Variants in ATAT1 observed in about 807,000 individuals in gnomAD.
ATAT1 encodes the protein alpha tubulin acetyltransferase 1.
A neutral mutation model predicts 57.2 loss-of-function variants in ATAT1; 42 were observed. That is an observed-to-expected ratio of 0.73 (90% confidence interval 0.57 to 0.95). ATAT1 has a LOEUF of 0.95. ATAT1 is among the 40% of genes least tolerant of loss of function. ATAT1 has a pLI of 0.00. For synonymous variants in ATAT1, 168 were observed against 187.1 expected, an observed-to-expected ratio of 0.90 and a Z score of 0.83; for missense variants, 454 against 523.7, an observed-to-expected ratio of 0.87 and a Z score of 1.30.
At position 30,642,833 on chromosome 6, in the gene ATAT1, G is replaced by GGGGCCGCCCCCCCCCCCC; in HGVS notation, c.754_755insGGGCCGCCCCCCCCCCCC (p.Ala252delinsGlyAlaAlaProProProPro). 6.5e-7 allele frequency: 1 copy of GGGGCCGCCCCCCCCCCCC among 1,537,878 alleles called. No individual in the cohort carries two copies. Among genetic ancestry groups the GGGGCCGCCCCCCCCCCCC allele is most frequent in the Non-Finnish European group, 8.7e-7 (1 of 1,145,784 alleles). ...GGCCCCTCGCCGCGCCACACCTCCAGCCCACCCACCCCCCCGCTCCAGCAG... is the reference window on the plus strand; with the variant it reads ...GGCCCCTCGCCGCGCCACACCTCCAGGGGCCGCCCCCCCCCCCCCCCACCCACCCCCCCGCTCCAGCAG... On this transcript the variant is annotated protein_altering_variant, in exon 10 of 13. Coordinates refer to ENST00000330083, the MANE Select transcript of ATAT1 (RefSeq NM_001031722.4).
intron 8 of ATAT1, among the ~76,000 whole-genome samples, chr6:30,641,561 G>T (rs969852763): frequency 6.6e-6 from 1 of 152,188 alleles, no homozygotes; most frequent in Non-Finnish European, 1.5e-5. Flanking sequence ...AAGTAGAGAA[G>T]TGAGGAGGGG....
In ATAT1 at chr6:30,630,464, C is replaced by T. The variant is rs964830743; in HGVS notation, c.501+2034C>T. On this transcript the variant is annotated intron_variant, in intron 6 of 12. Transcript: ENST00000330083. ...CAGCCTGGTCAACATGGTAAAACCC[C>T]GTCTCTATTAAAAATACAAAAATTA... 2.0e-5 allele frequency among the ~76,000 whole-genome samples: 3 copies of T among 152,050 alleles called. No individual in the cohort carries two copies. The South Asian group carries it at 6.2e-4, about 32-fold the overall frequency.
chr6:30,636,939 G>A (rs1326923598), intron 6 of ATAT1, among the ~76,000 whole-genome samples: 6 of 151,884 alleles, frequency 4.0e-5, no homozygotes, highest in Admixed American at 3.9e-4. Flanking sequence ...AGCCTCCTGA[G>A]TAGCTGGGAT....
rs764258295 is a variant in ATAT1, at chr6:30,640,541, C to A, written c.554C>A (p.Pro185His). 1 of 1,613,046 alleles carries A rather than the reference C, an allele frequency of 6.2e-7. No homozygotes were observed. The highest frequency in any genetic ancestry group is 1.6e-4 in the Middle Eastern group (1 of 6,062). ...GCCGCTTCCTTCCTCACAGGGCCCC[C>A]TGCTCCCTCTCTGAGGGCAACTCGA... The change falls in exon 8 of 13, where the codon CCT becomes CAT. Residue 185 changes from proline to histidine, a missense_variant. Physicochemically the swap from Pro to His is moderately conservative, Grantham distance 77. This residue lies in a region of ATAT1 where 236 missense variants were observed against 284.5 expected (regional missense o/e 0.83). Coordinates refer to ENST00000330083, the MANE Select transcript of ATAT1 (RefSeq NM_001031722.4).
intron 6 of ATAT1, among the ~76,000 whole-genome samples, chr6:30,637,593 G>C (rs1265887112): frequency 6.6e-6 from 1 of 151,786 alleles, no homozygotes; most frequent in Non-Finnish European, 1.5e-5. Context: ...TGAGACAGGA[G>C]AAGAGCTTGA....
rs757455483 is a variant in ATAT1, at chr6:30,627,259, T to C, written c.56T>C (p.Val19Ala). ...ACAATAACCTTAAGGGAGGAGGGAG[T>C]GTGCCACCTTGAAAGGTGTGACAGA... The change falls in exon 1 of 13, where the codon GTG (valine) becomes GCG (alanine). Residue 19 changes from valine to alanine, a missense_variant. Val to Ala is a moderately conservative substitution (Grantham distance 64). This residue lies in a region of ATAT1 where 236 missense variants were observed against 284.5 expected (regional missense o/e 0.83). Coordinates refer to ENST00000330083, the MANE Select transcript of ATAT1 (RefSeq NM_001031722.4). The C allele has an allele frequency of 8.7e-6, 14 of 1,613,136 alleles. No individual in the cohort carries two copies. Among genetic ancestry groups the C allele is most frequent in the African/African-American group, 1.3e-5 (1 of 74,640 alleles).
intron 6 of ATAT1, 110 bp from the exon 7 acceptor site, chr6:30,640,257 GGTTTGTGTAA>G: frequency 9.2e-7 from 1 of 1,087,372 alleles, no homozygotes; most frequent in South Asian, 1.3e-5. Flanking sequence ...ATAGTGTCTA[GGTTTGTGTAA>G]GTACACTCTG....
rs1356700278 is a variant in ATAT1, at chr6:30,642,659, AAAAAG to A, written c.689-105_689-101del. The A allele has an allele frequency of 2.0e-4, 158 of 801,688 alleles. No homozygotes were observed. In the African/African-American group the frequency reaches 2.3e-3, roughly 11 times the overall value. 49.7% of individuals were successfully genotyped at this position (801,688 alleles called of 1,614,324 possible). A position where few individuals can be genotyped will look rare whatever the true frequency, so the allele number is the denominator to read the frequency against. On this transcript the variant is annotated intron_variant, in intron 9 of 12. Coordinates refer to ENST00000330083, the MANE Select transcript of ATAT1 (RefSeq NM_001031722.4). ...CTCCGTCTCAAAAAAGAAAAAAAAA[AAAAAG>A]AAAGACTCAGATTTCTCTTTTTTTC...
chr6:30,626,904 G>A lies in ATAT1; in HGVS notation c.-300G>A. The A allele has an allele frequency of 6.2e-7, 1 of 1,608,538 alleles. No homozygotes were observed. The highest frequency in any genetic ancestry group is 8.5e-7 in the Non-Finnish European group (1 of 1,178,322). ...ATGGGCCATGGAGTTCCCGTTCGATGTGGACGCGCTGTTCCCGGAGCGGAT... is the reference window on the plus strand; with the variant it reads ...ATGGGCCATGGAGTTCCCGTTCGATATGGACGCGCTGTTCCCGGAGCGGAT... On this transcript the variant is annotated 5_prime_UTR_variant, in exon 1 of 13. Transcript: ENST00000330083.
At chr6:30,637,553 T>C (rs539214222) in intron 6 of ATAT1, among the ~76,000 whole-genome samples, 62 of 151,354 alleles carry the variant, frequency 4.1e-4, no homozygotes, top group Non-Finnish European at 5.9e-5. Flanking sequence ...CGTGGTGGCA[T>C]GTGCCTGTAA....
At chr6:30,635,138 A>G (rs1029249505) in intron 6 of ATAT1, among the ~76,000 whole-genome samples, 30 of 152,228 alleles carry the variant, frequency 2.0e-4, no homozygotes, top group Non-Finnish European at 3.8e-4. Context: ...TTTTTTGTCT[A>G]TGAAATGGCT....
intron 12 of ATAT1, 170 bp from the exon 13 acceptor site, chr6:30,646,299 G>A (rs1376480899): frequency 6.9e-7 from 1 of 1,448,338 alleles, no homozygotes; most frequent in Non-Finnish European, 9.1e-7. Flanking sequence ...CTTCCCTTTG[G>A]AATACGGATT....
Position 30,645,984 on chromosome 6 carries a change from C to G in ATAT1, c.1012+10C>G. 6.3e-7 allele frequency: 1 copy of G among 1,594,144 alleles called. No homozygotes were observed. The highest frequency in any genetic ancestry group is 1.1e-5 in the South Asian group (1 of 87,664). On this transcript the variant is annotated intron_variant, in intron 11 of 12. Transcript: ENST00000330083. Reference sequence around the variant, plus strand: ...TCATCCCCCAATACAGGTAAGTATTCACTCCTCCCTACCCTCAAATCAAGT... The same window carrying G: ...TCATCCCCCAATACAGGTAAGTATTGACTCCTCCCTACCCTCAAATCAAGT...
intron 6 of ATAT1, among the ~76,000 whole-genome samples, chr6:30,636,503 G>A (rs1454546346): frequency 6.6e-6 from 1 of 151,976 alleles, no homozygotes; most frequent in Admixed American, 6.6e-5. Context: ...GGAGAATGGC[G>A]TGAACCCAGG....
intron 6 of ATAT1, among the ~76,000 whole-genome samples, chr6:30,629,027 A>T (rs1321188637): frequency 6.6e-6 from 1 of 151,496 alleles, no homozygotes; most frequent in East Asian, 1.9e-4. Flanking sequence ...TAGCCTCCTG[A>T]GTAGCTGAGA....
intron 10 of ATAT1, chr6:30,643,458 TC>T (rs1348912096): frequency 6.5e-7 from 1 of 1,546,336 alleles, no homozygotes; most frequent in Non-Finnish European, 8.7e-7. Context: ...CTCTGACTTC[TC>T]TGTTTTTCTC....
intron 6 of ATAT1, among the ~76,000 whole-genome samples, chr6:30,636,034 C>T (rs1378803846): frequency 6.6e-6 from 1 of 152,154 alleles, no homozygotes; most frequent in African/African-American, 2.4e-5. Context: ...ATTGAATGGG[C>T]GGCGGGGGCG....
At chr6:30,637,741 G>T (rs916662947) in intron 6 of ATAT1, among the ~76,000 whole-genome samples, 1 of 151,532 alleles carries the variant, frequency 6.6e-6, no homozygotes, top group Non-Finnish European at 1.5e-5. Context: ...ACTTTGGAAG[G>T]CCAAGGCGGG....
chr6:30,639,898 C>G (rs570285074), intron 6 of ATAT1, among the ~76,000 whole-genome samples: 5 of 152,032 alleles, frequency 3.3e-5, no homozygotes, highest in African/African-American at 1.2e-4. Context: ...CTTTTGGAGG[C>G]TGAGGCAGAA....
Sources: allele counts gnomAD v4.1 joint callset (sites outside exome capture counted in the v4.1 genomes callset), GRCh38; gene constraint gnomAD v4.1.1; regional missense constraint gnomAD v4.1.1; transcripts MANE v1.5; gene names NCBI Gene and HGNC (gene_info 2026-07-23, HGNC 2026-07-21).